ZFHX3: variants seen among roughly 807,000 people sequenced by gnomAD.
The protein encoded by ZFHX3 is zinc finger homeobox protein 3.
In ZFHX3, 42 loss-of-function variants were observed where a neutral mutation model predicts 279.1. The observed-to-expected ratio is 0.15, with a 90% confidence interval of 0.12 to 0.19. The LOEUF is 0.19. Among genes scored for constraint, ZFHX3 ranks in the 10% least tolerant of loss-of-function variants. The pLI is 1.00. For missense variants in ZFHX3, 4,981 were observed against 4,754.0 expected, an observed-to-expected ratio of 1.05 and a Z score of -1.40; for synonymous variants, 2,293 against 1,957.8, an observed-to-expected ratio of 1.17 and a Z score of -4.52.
chr16:72,966,910 G>A (rs1379678609), intron 1 of ZFHX3, among the ~76,000 whole-genome samples: 1 of 152,210 alleles, frequency 6.6e-6, no homozygotes, highest in Non-Finnish European at 1.5e-5. Context: ...ACTGCACTCT[G>A]TGGCTTCAAG....
chr16:73,840,797 T>C (rs899609503), intron 1 of ZFHX3, among the ~76,000 whole-genome samples: 7 of 152,134 alleles, frequency 4.6e-5, no homozygotes, highest in Admixed American at 1.3e-4. Flanking sequence ...ATTTTGAAAA[T>C]AGTCGACTGA....
At chr16:73,033,082 T>G (rs889123478) in intron 1 of ZFHX3, among the ~76,000 whole-genome samples, 2 of 152,104 alleles carry the variant, frequency 1.3e-5, no homozygotes, top group Non-Finnish European at 2.9e-5. Flanking sequence ...TGGGCCCTCC[T>G]TGACCCCACG....
chr16:72,940,324 C>T (rs773375243), intron 3 of ZFHX3, among the ~76,000 whole-genome samples: 1 of 152,134 alleles, frequency 6.6e-6, no homozygotes, highest in African/African-American at 2.4e-5. Flanking sequence ...GAACGAAGAC[C>T]CCTTCCCAGT....
intron 1 of ZFHX3, among the ~76,000 whole-genome samples, chr16:73,018,654 T>C (rs548985031): frequency 3.9e-4 from 59 of 152,276 alleles, no homozygotes; most frequent in African/African-American, 1.4e-3. Context: ...TTTTCTTTAA[T>C]TGGCATTTTG....
intron 4 of ZFHX3, among the ~76,000 whole-genome samples, chr16:72,832,761 G>A (rs72793296): frequency 0.023 from 3,527 of 152,304 alleles, 59 homozygotes; most frequent in Non-Finnish European, 0.037. Context: ...GCGAGGCCCG[G>A]AAGGGCAGCT....
chr16:73,038,201 C>T (rs1056498898), intron 1 of ZFHX3, among the ~76,000 whole-genome samples: 23 of 152,116 alleles, frequency 1.5e-4, no homozygotes, highest in African/African-American at 5.3e-4. Context: ...CGAGAGTCCA[C>T]GGGGCCCTCG....
chr16:73,068,460 G>C (rs1017851104), intron 8 of ZFHX3, among the ~76,000 whole-genome samples: 2 of 152,172 alleles, frequency 1.3e-5, no homozygotes, highest in African/African-American at 4.8e-5. Flanking sequence ...ATTCACTAAA[G>C]GGAAAAAGGC....
At chr16:73,808,562 T>C (rs1960345904) in intron 1 of ZFHX3, 1 of 152,218 alleles carries the variant, frequency 6.6e-6, no homozygotes, top group South Asian at 2.1e-4. Flanking sequence ...AATGGCACGC[T>C]AGTCAGCTTT....
rs184024391 is a variant in ZFHX3 at position 73,026,313 on chromosome 16, C to T, written c.-50+21439G>A. On this transcript the variant is annotated intron_variant, in intron 1 of 9. Coordinates refer to ENST00000268489, the MANE Select transcript of ZFHX3 (RefSeq NM_006885.4). ...GCTTGAACCCAGGAGGCGGAGGTTGCAGTGAGCCGAGATCACACCACTGCA... is the reference window on the plus strand; with the variant it reads ...GCTTGAACCCAGGAGGCGGAGGTTGTAGTGAGCCGAGATCACACCACTGCA... Among the ~76,000 whole-genome samples the T allele has an allele frequency of 7.7e-3, 1,158 of 149,554 alleles. 17 individuals are homozygous for T. Among genetic ancestry groups the T allele is most frequent in the African/African-American group, 0.027 (1,078 of 40,434 alleles).
chr16:73,606,803 G>A (rs530784478), intron 2 of ZFHX3, among the ~76,000 whole-genome samples: 3 of 152,096 alleles, frequency 2.0e-5, no homozygotes, highest in African/African-American at 4.8e-5. Context: ...TCATTGGTCA[G>A]TTCCCACTTA....
At chr16:73,691,088 A>G (rs750472924) in intron 1 of ZFHX3, among the ~76,000 whole-genome samples, 3 of 152,220 alleles carry the variant, frequency 2.0e-5, no homozygotes, top group African/African-American at 7.2e-5. Context: ...TCATCAACAT[A>G]GATTACACAG....
At chr16:73,481,918 G>A (rs2018876925) in intron 2 of ZFHX3, among the ~76,000 whole-genome samples, 1 of 152,132 alleles carries the variant, frequency 6.6e-6, no homozygotes, top group South Asian at 2.1e-4. Context: ...GGTGAGAAAG[G>A]TCTTGAGCCC....
chr16:73,095,650 TA>T (rs1385642565), intron 7 of ZFHX3, among the ~76,000 whole-genome samples: 1 of 152,242 alleles, frequency 6.6e-6, no homozygotes, highest in Non-Finnish European at 1.5e-5. Flanking sequence ...TTTTGGTGAT[TA>T]TTTTTTATGA....
intron 1 of ZFHX3, among the ~76,000 whole-genome samples, chr16:73,824,125 G>A (rs948592174): frequency 6.6e-6 from 1 of 152,044 alleles, no homozygotes; most frequent in Non-Finnish European, 1.5e-5. Context: ...AAGTTGAACC[G>A]GCTTCCCTAC....
In ZFHX3 at chr16:72,787,043, T is replaced by C. The variant is rs1202802811; in HGVS notation, c.*121A>G. 9.6e-6 allele frequency: 9 copies of C among 941,458 alleles called. No individual in the cohort carries two copies. The highest frequency in any genetic ancestry group is 1.2e-5 in the Non-Finnish European group (9 of 741,220). 58.3% of individuals were successfully genotyped at this position (941,458 alleles called of 1,614,324 possible). ...CCCACGCTTTTTCTTTTTTTTCTTT[T>C]TTTTTTTTTTTTTGTTTTTTGGTTA... is the stretch of plus-strand genomic sequence containing the variant. On this transcript the variant is annotated 3_prime_UTR_variant, in exon 10 of 10. Transcript: ENST00000268489.
intron 7 of ZFHX3, among the ~76,000 whole-genome samples, chr16:73,099,710 CA>C (rs756694525): frequency 0.072 from 6,517 of 90,832 alleles, 161 homozygotes; most frequent in East Asian, 0.13. Flanking sequence ...GACTCCATCT[CA>C]AAAAAAAAAA....
rs1287711819 is a variant in ZFHX3 at position 73,662,912 on chromosome 16, CTTCT to C, written c.-1547+17264_-1547+17267del. Reference sequence around the variant, plus strand: ...CAACCGTGAGGGGCTTTTTTTTCTTCTTCTTTAAGATATAAATGCAGATATTTAT... The same window carrying C: ...CAACCGTGAGGGGCTTTTTTTTCTTCTTAAGATATAAATGCAGATATTTAT... On this transcript the variant is annotated intron_variant, in intron 2 of 17. Transcript: ENST00000641206. Among the ~76,000 whole-genome samples the C allele has an allele frequency of 1.1e-4, 16 of 152,042 alleles. No individual in the cohort carries two copies. In the East Asian group the frequency reaches 2.5e-3, roughly 24 times the overall value.
At chr16:73,777,201 C>T (rs1959278444) in intron 1 of ZFHX3, among the ~76,000 whole-genome samples, 2 of 152,096 alleles carry the variant, frequency 1.3e-5, no homozygotes, top group African/African-American at 2.4e-5. Context: ...CAATGAGCCT[C>T]CTTTAGAAAG....
At chr16:73,316,821 C>A (rs1210695304) in intron 4 of ZFHX3, among the ~76,000 whole-genome samples, 1 of 152,164 alleles carries the variant, frequency 6.6e-6, no homozygotes, top group East Asian at 1.9e-4. Context: ...GCAGAAAAAT[C>A]CGGATATGGT....
Sources: gnomAD v4.1 joint callset for allele counts (sites outside exome capture counted in the v4.1 genomes callset) on GRCh38, gnomAD v4.1.1 for gene constraint, MANE v1.5 for transcripts, NCBI Gene and HGNC (gene_info 2026-07-23, HGNC 2026-07-21) for gene names.